UPK3B: variants seen among roughly 807,000 people sequenced by gnomAD.
UPK3B encodes uroplakin 3B, also known as uroplakin-3b.
Under a neutral mutation model 27.6 loss-of-function variants are expected in UPK3B, and 21 were observed. The ratio of observed to expected loss-of-function variants is 0.76; its 90% CI spans 0.54 to 1.10. The LOEUF is 1.10. Among genes scored for constraint, UPK3B ranks in the 50% least tolerant of loss-of-function variants. UPK3B has a pLI of 0.00. For missense variants in UPK3B, 306 were observed against 376.1 expected, an observed-to-expected ratio of 0.81 and a Z score of 1.54; for synonymous variants, 141 against 162.3, an observed-to-expected ratio of 0.87 and a Z score of 1.00.
chr7:76,515,156 G>A lies in UPK3B; in HGVS notation c.783G>A (p.Pro261=), dbSNP rs146786889. The A allele has an allele frequency of 7.1e-5, 113 of 1,597,988 alleles. 1 individual carries two copies. The East Asian group carries it at 1.4e-3, about 20-fold the overall frequency. Residue 261 remains proline, a synonymous_variant, in exon 6 of 6, where the codon CCG becomes CCA. Coordinates refer to ENST00000334348, the MANE Select transcript of UPK3B (RefSeq NM_001347684.2). ...CACCCAGAGAGGCCGCCACACTGCC[G>A]GTGGGCTGCAAGCCTGGCCTGGACC... is the stretch of plus-strand genomic sequence containing the variant. ...HIPPREAATL[P]VGCKPGLDPL...
chr7:76,510,665 T>C lies in UPK3B; in HGVS notation c.13T>C (p.Trp5Arg). Reference protein sequence around the residue: MGLPWGQPHLGLQML... With the variant: MGLPRGQPHLGLQML... ...GCTGGCAGCTGTCATGGGGCTACCC[T>C]GGGGGCAGCCTCACCTAGGGCTGCA... Residue 5 changes from tryptophan to arginine, a missense_variant, in exon 1 of 6, where the codon TGG becomes CGG. Physicochemically the swap from Trp to Arg is moderately radical, Grantham distance 101. Transcript: ENST00000334348. The C allele has an allele frequency of 6.7e-7, 1 of 1,490,130 alleles. No homozygotes were observed. The highest frequency in any genetic ancestry group is 9.0e-7 in the Non-Finnish European group (1 of 1,116,570). 92.3% of individuals were successfully genotyped at this position (1,490,130 alleles called of 1,614,324 possible).
Position 76,515,225 on chromosome 7 carries a change from C to T in UPK3B, c.*21C>T, listed in dbSNP as rs1344998155. 2.5e-6 allele frequency: 4 copies of T among 1,587,318 alleles called. No individual in the cohort carries two copies. The highest frequency in any genetic ancestry group is 2.7e-5 in the African/African-American group (2 of 74,488). On this transcript the variant is annotated 3_prime_UTR_variant, in exon 6 of 6. Transcript: ENST00000334348. ...CCTAGCCTGGCCTCTTTGCATGGGG[C>T]TGGGGGAGATGGGGCGCTGGGAGTG...
chr7:76,515,014 T>G, intron 5 of UPK3B, 31 bp from the exon 6 acceptor site: 2 of 1,549,884 alleles, frequency 1.3e-6, no homozygotes, highest in Non-Finnish European at 1.7e-6. Context: ...GGCAGGGACA[T>G]ATGTCTCTTC....
At position 76,511,744 on chromosome 7, in the gene UPK3B, C is replaced by T. The variant is rs1302184499; in HGVS notation, c.323C>T (p.Pro108Leu). The T allele has an allele frequency of 8.1e-6, 13 of 1,611,338 alleles. No individual in the cohort carries two copies. Among genetic ancestry groups the T allele is most frequent in the Non-Finnish European group, 1.0e-5 (12 of 1,179,276 alleles). The change falls in exon 3 of 6, where the codon CCC becomes CTC. Residue 108 changes from proline to leucine, a missense_variant. Physicochemically the swap from Pro to Leu is moderately conservative, Grantham distance 98. Around this residue, in one of 4 missense-constraint regions of UPK3B, gnomAD observed 78 missense variants for 120.2 expected, o/e 0.65. Transcript: ENST00000334348. ...LLTDGHYMTL[P>L]LSPDQLPCGD... The stretch of plus-strand genomic sequence containing the variant: ...ACCGATGGCCACTACATGACGCTGC[C>T]CCTGTCTCCGGACCAGCTGCCCTGT...
In UPK3B at chr7:76,515,314, C is replaced by A; in HGVS notation, c.*110C>A. 2 of 1,521,540 alleles carry A rather than the reference C, an allele frequency of 1.3e-6. No individual in the cohort carries two copies. Among genetic ancestry groups the A allele is most frequent in the East Asian group, 2.5e-5 (1 of 40,592 alleles). 94.3% of individuals were successfully genotyped at this position (1,521,540 alleles called of 1,614,324 possible). A position where few individuals can be genotyped will look rare whatever the true frequency, so the allele number is the denominator to read the frequency against. On this transcript the variant is annotated 3_prime_UTR_variant, in exon 6 of 6. Transcript: ENST00000334348. The stretch of plus-strand genomic sequence containing the variant: ...CCCCCTCAGGGCTCCTTGCCTTTCC[C>A]CCCCACCAGCACACCCCGTACCCTG...
In UPK3B at chr7:76,515,042, C is replaced by A; in HGVS notation, c.672-3C>A. 1 of 1,571,880 alleles carries A rather than the reference C, an allele frequency of 6.4e-7. No individual in the cohort carries two copies. The highest frequency in any genetic ancestry group is 1.2e-5 in the South Asian group (1 of 85,826). Reference sequence around the variant, plus strand: ...GTCTCTTCCTCCTCCTCTCCCCGCCCAGCTCCAGCCTGTGGTGGCCGGAGG... The same window carrying A: ...GTCTCTTCCTCCTCCTCTCCCCGCCAAGCTCCAGCCTGTGGTGGCCGGAGG... On this transcript the variant is annotated splice_region_variant and splice_polypyrimidine_tract_variant and intron_variant, in intron 5 of 5. Transcript: ENST00000334348.
At chr7:76,515,001 T>C (rs1387967500) in intron 5 of UPK3B, 44 bp from the exon 6 acceptor site, 2 of 1,544,848 alleles carry the variant, frequency 1.3e-6, no homozygotes, top group Non-Finnish European at 1.7e-6. Flanking sequence ...ACGTGCCCCA[T>C]GTGGCAGGGA....
Position 76,515,470 on chromosome 7 carries a change from A to C in UPK3B, c.*266A>C. The C allele has an allele frequency of 1.2e-6, 1 of 862,848 alleles. No individual in the cohort carries two copies. The highest frequency in any genetic ancestry group is 1.5e-6 in the Non-Finnish European group (1 of 682,862). 53.4% of individuals were successfully genotyped at this position (862,848 alleles called of 1,614,324 possible). A position where few individuals can be genotyped will look rare whatever the true frequency, so the allele number is the denominator to read the frequency against. On this transcript the variant is annotated 3_prime_UTR_variant, in exon 6 of 6. Coordinates refer to ENST00000334348, the MANE Select transcript of UPK3B (RefSeq NM_001347684.2). ...TGGGCAGGCTGGATACCCAGTCCCCACCTCCATCCCCACCTCTGTCTCACC... is the reference window on the plus strand; with the variant it reads ...TGGGCAGGCTGGATACCCAGTCCCCCCCTCCATCCCCACCTCTGTCTCACC...
At chr7:76,513,920 C>T (rs1812628992) in intron 4 of UPK3B, 27 bp from the exon 5 acceptor site, 1 of 1,613,148 alleles carries the variant, frequency 6.2e-7, no homozygotes, top group South Asian at 1.1e-5. Flanking sequence ...GAGGGGCAGC[C>T]CCTCTGAGCA....
At chr7:76,511,950 G>A in intron 3 of UPK3B, 68 bp downstream of exon 3, 1 of 682,424 alleles carries the variant, frequency 1.5e-6, no homozygotes. Flanking sequence ...CTGGGACCAG[G>A]GATGCTCTCT....
chr7:76,514,226 G>T, intron 5 of UPK3B, 150 bp downstream of exon 5: 3 of 1,269,594 alleles, frequency 2.4e-6, no homozygotes. Context: ...GGCTGGTCTG[G>T]AACTGCTGGG....
chr7:76,514,919 AAAAAAG>A (rs1477419890), intron 5 of UPK3B, 120 bp from the exon 6 acceptor site: 69 of 1,262,824 alleles, frequency 5.5e-5, no homozygotes, highest in Non-Finnish European at 6.1e-5. Flanking sequence ...AAAAAAAAAA[AAAAAAG>A]AAAAGAGAGA....
At chr7:76,514,925 GAAAA>G (rs1812676888) in intron 5 of UPK3B, 116 bp from the exon 6 acceptor site, 4 of 1,041,540 alleles carry the variant, frequency 3.8e-6, no homozygotes, top group South Asian at 3.6e-5. Context: ...AAAAAAAAAA[GAAAA>G]GAGAGAGAGA....
chr7:76,513,184 C>T (rs146820372), intron 4 of UPK3B, 21 bp downstream of exon 4: 5 of 1,606,558 alleles, frequency 3.1e-6, no homozygotes, highest in African/African-American at 1.3e-5. Context: ...GCAGGAGGGG[C>T]GCTGCCCCCA....
At position 76,514,087 on chromosome 7, in the gene UPK3B, A is replaced by T. The variant is rs773734350; in HGVS notation, c.671+11A>T. ...CTCTACCATGCGCTTGTGAGTGGGG[A>T]CACCCCCTCGGGCCCCTCTCCCACC... is the stretch of plus-strand genomic sequence containing the variant. On this transcript the variant is annotated intron_variant, in intron 5 of 5. Transcript: ENST00000334348. 4.2e-5 allele frequency: 67 copies of T among 1,613,662 alleles called. 1 individual carries two copies. In the South Asian group the frequency reaches 5.5e-4, roughly 13 times the overall value.
Position 76,513,116 on chromosome 7 carries a change from C to A in UPK3B, c.494C>A (p.Ser165Ter), listed in dbSNP as rs774424807. The A allele has an allele frequency of 3.7e-6, 6 of 1,613,858 alleles. No individual in the cohort carries two copies. Among genetic ancestry groups the A allele is most frequent in the Non-Finnish European group, 5.1e-6 (6 of 1,179,928 alleles). The change falls in exon 4 of 6, where the codon TCA (serine) becomes TAA (stop). Residue 165 changes from serine to a stop codon, truncating the protein, a stop_gained. Coordinates refer to ENST00000334348, the MANE Select transcript of UPK3B (RefSeq NM_001347684.2). LOFTEE classifies it high-confidence loss of function. ...TTCCTCCTGATGGACACCAGGGGCTCACCCAGGGCTGAGACCAAGTGGTCA... is the reference window on the plus strand; with the variant it reads ...TTCCTCCTGATGGACACCAGGGGCTAACCCAGGGCTGAGACCAAGTGGTCA... ...VKFLLMDTRG[S>*]PRAETKWSDP...
chr7:76,513,300 CAG>C, intron 4 of UPK3B, 137 bp downstream of exon 4: 2 of 810,004 alleles, frequency 2.5e-6, no homozygotes, highest in Non-Finnish European at 3.9e-6. Flanking sequence ...CAGCCCCCAA[CAG>C]AACCTCATGC....
At position 76,515,181 on chromosome 7, in the gene UPK3B, C is replaced by T. The variant is rs1297844271; in HGVS notation, c.808C>T (p.Pro270Ser). ...LPVGCKPGLD[P>S]LPSLSP ...GGTGGGCTGCAAGCCTGGCCTGGAC[C>T]CCCTCCCCAGCCTCAGCCCCTAGCC... Residue 270 changes from proline to serine, a missense_variant, in exon 6 of 6, where the codon CCC (proline) becomes TCC (serine). Pro to Ser is a moderately conservative substitution (Grantham distance 74). Around this residue, in one of 4 missense-constraint regions of UPK3B, gnomAD observed 174 missense variants for 166.6 expected, o/e 1.04. Coordinates refer to ENST00000334348, the MANE Select transcript of UPK3B (RefSeq NM_001347684.2). 1 of 1,593,364 alleles carries T rather than the reference C, an allele frequency of 6.3e-7. No individual in the cohort carries two copies. Among genetic ancestry groups the T allele is most frequent in the South Asian group, 1.1e-5 (1 of 87,874 alleles).
rs111500882 is a variant in UPK3B, at chr7:76,510,866, G to A, written c.86-37G>A. Reference sequence around the variant, plus strand: ...GGCAGCCCCAGGGACCCCCACGCCCGTCTCCGTGGCTCACCTTTTGTCCCC... The same window carrying A: ...GGCAGCCCCAGGGACCCCCACGCCCATCTCCGTGGCTCACCTTTTGTCCCC... On this transcript the variant is annotated intron_variant, in intron 1 of 5. Coordinates refer to ENST00000334348, the MANE Select transcript of UPK3B (RefSeq NM_001347684.2). 757 of 1,598,510 alleles carry A rather than the reference G, an allele frequency of 4.7e-4. 4 individuals are homozygous for A. The highest frequency in any genetic ancestry group is 3.9e-3 in the East Asian group (171 of 43,722).
Sources: gnomAD v4.1 joint callset for allele counts on GRCh38, gnomAD v4.1.1 for gene constraint, gnomAD v4.1.1 regional missense constraint, MANE v1.5 for transcripts, NCBI Gene and HGNC (gene_info 2026-07-23, HGNC 2026-07-21) for gene names.